Variants in DIAPH3 observed in about 807,000 individuals in gnomAD.
The protein encoded by DIAPH3 is protein diaphanous homolog 3.
A neutral mutation model predicts 144.3 loss-of-function variants in DIAPH3; 117 were observed. That is an observed-to-expected ratio of 0.81 (90% CI 0.70 to 0.95). The LOEUF is 0.95. DIAPH3 is among the 40% of genes least tolerant of loss of function. The pLI, the probability that DIAPH3 is intolerant of heterozygous loss-of-function variation, is 0.00. For synonymous variants in DIAPH3, 519 were observed against 488.9 expected, an observed-to-expected ratio of 1.06 and a Z score of -0.81; for missense variants, 1,421 against 1,412.7, an observed-to-expected ratio of 1.01 and a Z score of -0.09.
At chr13:59,890,726 A>G (rs2140121038) in intron 20 of DIAPH3, among the ~76,000 whole-genome samples, 1 of 152,092 alleles carries the variant, frequency 6.6e-6, no homozygotes, top group East Asian at 1.9e-4. Flanking sequence ...GGTGCTCTCC[A>G]CAAGTTTTTC....
At chr13:59,905,518 T>C (rs955767166) in intron 20 of DIAPH3, among the ~76,000 whole-genome samples, 1 of 152,050 alleles carries the variant, frequency 6.6e-6, no homozygotes, top group Non-Finnish European at 1.5e-5. Context: ...CTCAGAACAA[T>C]ACAATGTAGG....
intron 5 of DIAPH3, among the ~76,000 whole-genome samples, chr13:60,042,340 G>A (rs1303011277): frequency 6.6e-6 from 1 of 152,066 alleles, no homozygotes; most frequent in Non-Finnish European, 1.5e-5. Context: ...ATTTCTTACT[G>A]TGTCAAATAA....
In DIAPH3 at chr13:60,111,913, A is replaced by G. The variant is rs1254176775; in HGVS notation, c.390+97T>C. Reference sequence around the variant, plus strand: ...CTTAAGTGACATCAGAAATTAGCCTATGGAGTATGACTACCAAAAATGCTT... The same window carrying G: ...CTTAAGTGACATCAGAAATTAGCCTGTGGAGTATGACTACCAAAAATGCTT... On this transcript the variant is annotated intron_variant, in intron 3 of 27. Transcript: ENST00000400324. The G allele has an allele frequency of 6.7e-6, 8 of 1,201,486 alleles. No individual in the cohort carries two copies. In the African/African-American group the frequency reaches 1.1e-4, roughly 16 times the overall value. The allele number at this position is 1,201,486 out of a possible 1,614,324, so 74.4% of individuals were successfully genotyped here. A position where few individuals can be genotyped will look rare whatever the true frequency, so the allele number is the denominator to read the frequency against.
At chr13:60,002,546 C>T (rs927110500) in intron 9 of DIAPH3, among the ~76,000 whole-genome samples, 3 of 152,194 alleles carry the variant, frequency 2.0e-5, no homozygotes, top group East Asian at 1.9e-4. Context: ...TAGGAGTTCA[C>T]GTCTTTTGAC....
At chr13:60,053,244 A>G (rs2056428496) in intron 4 of DIAPH3, among the ~76,000 whole-genome samples, 2 of 151,992 alleles carry the variant, frequency 1.3e-5, no homozygotes, top group African/African-American at 4.8e-5. Flanking sequence ...AGGAAAGGAT[A>G]CTCACGGCTG....
At chr13:59,956,740 C>T (rs899663027) in intron 17 of DIAPH3, among the ~76,000 whole-genome samples, 1 of 152,156 alleles carries the variant, frequency 6.6e-6, no homozygotes, top group East Asian at 1.9e-4. Context: ...ACCAGGAAAA[C>T]CCACAGACAC....
At chr13:60,027,622 T>A (rs1191707149) in intron 5 of DIAPH3, among the ~76,000 whole-genome samples, 1 of 151,940 alleles carries the variant, frequency 6.6e-6, no homozygotes, top group East Asian at 1.9e-4. Context: ...GTAAAACAAG[T>A]ATGGATTTTA....
chr13:59,865,284 C>A (rs1271019083), intron 21 of DIAPH3, among the ~76,000 whole-genome samples: 1 of 151,984 alleles, frequency 6.6e-6, no homozygotes, highest in African/African-American at 2.4e-5. Flanking sequence ...CATTCTACTC[C>A]TACTCATATC....
chr13:59,947,557 G>A (rs2048865003), intron 17 of DIAPH3, among the ~76,000 whole-genome samples: 1 of 152,016 alleles, frequency 6.6e-6, no homozygotes, highest in East Asian at 1.9e-4. Flanking sequence ...GAAGAGAAGA[G>A]TTTCACATCT....
At chr13:59,946,193 A>G (rs2048787847) in intron 17 of DIAPH3, among the ~76,000 whole-genome samples, 1 of 152,188 alleles carries the variant, frequency 6.6e-6, no homozygotes, top group Non-Finnish European at 1.5e-5. Context: ...CAATCCTATG[A>G]TGATTGAACA....
chr13:60,042,994 G>A (rs2055798139), intron 4 of DIAPH3, among the ~76,000 whole-genome samples, 174 bp from the exon 5 acceptor site: 1 of 152,178 alleles, frequency 6.6e-6, no homozygotes, highest in African/African-American at 2.4e-5. Flanking sequence ...TTCATAATGT[G>A]TGGTATCCAC....
Position 59,920,524 on chromosome 13 carries a change from A to C in DIAPH3, c.2170+4251T>G, listed in dbSNP as rs987553298. Among the ~76,000 whole-genome samples the C allele has an allele frequency of 2.0e-5, 3 of 151,760 alleles. No individual in the cohort carries two copies. In the East Asian group the frequency reaches 5.8e-4, roughly 29 times the overall value. ...TGTAAACATATATATGTGTATATGC[A>C]TGTGTGTGCGTGTATATACATATAT... On this transcript the variant is annotated intron_variant, in intron 18 of 27. Transcript: ENST00000400324.
intron 13 of DIAPH3, 88 bp downstream of exon 13, chr13:59,983,681 A>G (rs2051179593): frequency 1.1e-6 from 1 of 883,548 alleles, no homozygotes; most frequent in African/African-American, 1.7e-5. Flanking sequence ...TCAGGAGTCC[A>G]GAGACACAAC....
intron 27 of DIAPH3, among the ~76,000 whole-genome samples, chr13:59,674,086 T>C (rs932073439): frequency 1.3e-5 from 2 of 152,214 alleles, no homozygotes; most frequent in Admixed American, 6.5e-5. Flanking sequence ...GAAGGCAATC[T>C]TTTAGAGGAC....
chr13:59,708,176 C>T (rs1455619960), intron 27 of DIAPH3, among the ~76,000 whole-genome samples: 1 of 151,962 alleles, frequency 6.6e-6, no homozygotes, highest in South Asian at 2.1e-4. Context: ...GATCCTCCTG[C>T]CTCAGCCTCC....
intron 25 of DIAPH3, among the ~76,000 whole-genome samples, chr13:59,809,838 T>C (rs531623534): frequency 7.9e-5 from 12 of 152,248 alleles, no homozygotes; most frequent in African/African-American, 2.9e-4. Context: ...GGGGAAACCT[T>C]AGGTGAATTT....
intron 27 of DIAPH3, among the ~76,000 whole-genome samples, chr13:59,667,822 A>T (rs2032109882): frequency 6.6e-6 from 1 of 152,206 alleles, no homozygotes; most frequent in Non-Finnish European, 1.5e-5. Flanking sequence ...TCTCTGAGAG[A>T]TGTTCCATTG....
intron 1 of DIAPH3, among the ~76,000 whole-genome samples, chr13:60,138,033 C>T (rs777267509): frequency 5.3e-5 from 8 of 152,000 alleles, no homozygotes; most frequent in Admixed American, 2.0e-4. Flanking sequence ...CAAAAATTTA[C>T]GTCATTTAAG....
intron 14 of DIAPH3, among the ~76,000 whole-genome samples, chr13:59,974,809 C>T (rs1257575039): frequency 2.6e-5 from 4 of 152,024 alleles, no homozygotes; most frequent in African/African-American, 7.2e-5. Context: ...AAGCATTGTA[C>T]AAATTCCTTG....
Sources: gnomAD v4.1 joint callset for allele counts (sites outside exome capture counted in the v4.1 genomes callset) on GRCh38, gnomAD v4.1.1 for gene constraint, MANE v1.5 for transcripts, NCBI Gene and HGNC (gene_info 2026-07-23, HGNC 2026-07-21) for gene names.